The following GSDMC variants were observed in gnomAD, a reference collection of about 807,000 sequenced individuals.
The protein encoded by GSDMC is gasdermin C, also known as gasdermin-C.
In GSDMC, 59 loss-of-function variants were observed where a neutral mutation model predicts 58.0. The observed-to-expected ratio is 1.02, with a 90% confidence interval of 0.82 to 1.26. GSDMC has a LOEUF of 1.26. Ranked by LOEUF, GSDMC falls within the 50% of genes most tolerant of loss-of-function variation. The pLI is 0.00. For synonymous variants in GSDMC, 241 were observed against 220.2 expected (o/e 1.09, Z -0.83); for missense variants, 659 against 598.5 (o/e 1.10, Z -1.06).
At chr8:129,732,454 T>A in the GSDMC span, among the ~76,000 whole-genome samples, 1 of 151,968 alleles carries the variant, frequency 6.6e-6, no homozygotes, top group African/African-American at 2.4e-5. Context: ...CTACCCACAC[T>A]AAAATAATTA....
intron 6 of GSDMC, among the ~76,000 whole-genome samples, chr8:129,756,475 T>TCAACACC (rs2033440413): frequency 6.6e-6 from 1 of 152,086 alleles, no homozygotes; most frequent in Non-Finnish European, 1.5e-5. Flanking sequence ...AACACCCTAC[T>TCAACACC]TTCAGCACTG....
the GSDMC span, chr8:129,729,783 T>A: frequency 8.2e-6 from 5 of 609,664 alleles, no homozygotes; most frequent in African/African-American, 1.9e-5. Flanking sequence ...GTGAGGCACA[T>A]GAAATTTGAA....
the GSDMC span, among the ~76,000 whole-genome samples, chr8:129,736,498 A>G: frequency 6.6e-6 from 1 of 152,246 alleles, no homozygotes; most frequent in Admixed American, 6.5e-5. Flanking sequence ...GCAAATCAAT[A>G]AACGTAATCC....
the GSDMC span, among the ~76,000 whole-genome samples, chr8:129,710,619 A>G: frequency 6.6e-6 from 1 of 152,320 alleles, no homozygotes; most frequent in South Asian, 2.1e-4. Flanking sequence ...CTTTGTTCTT[A>G]TCTTGAGAAG....
intron 2 of GSDMC, 33 bp from the exon 3 acceptor site, chr8:129,776,318 C>A: frequency 6.6e-7 from 1 of 1,515,250 alleles, no homozygotes; most frequent in South Asian, 1.2e-5. Flanking sequence ...TAGGTTTAGC[C>A]AAGAATTCAT....
At chr8:129,711,210 T>C in the GSDMC span, among the ~76,000 whole-genome samples, 1 of 152,228 alleles carries the variant, frequency 6.6e-6, no homozygotes, top group Non-Finnish European at 1.5e-5. Flanking sequence ...GATCTTTACA[T>C]GCGTGTACAA....
rs753311967 is a variant in GSDMC at position 129,750,456 on chromosome 8, CCT to C, written c.1056_1057del (p.Ala354SerfsTer37). 6.2e-7 allele frequency: 1 copy of C among 1,614,000 alleles called. No individual in the cohort carries two copies. Among genetic ancestry groups the C allele is most frequent in the Non-Finnish European group, 8.5e-7 (1 of 1,179,922 alleles). ...CATGTTCATCAGGTCCTGTAGAGCCCCTCTGTCTCTGAGCATGGCCAGGATAC... is the reference window on the plus strand; with the variant it reads ...CATGTTCATCAGGTCCTGTAGAGCCCCTGTCTCTGAGCATGGCCAGGATAC... On this transcript the variant is annotated frameshift_variant, in exon 11 of 14. Transcript: ENST00000276708. LOFTEE classifies it high-confidence loss of function.
At chr8:129,756,358 A>C (rs1343510974) in intron 6 of GSDMC, among the ~76,000 whole-genome samples, 1 of 152,118 alleles carries the variant, frequency 6.6e-6, no homozygotes, top group Non-Finnish European at 1.5e-5. Context: ...CAGATATATA[A>C]AGCAAATATT....
At chr8:129,735,889 C>A in the GSDMC span, among the ~76,000 whole-genome samples, 1 of 152,030 alleles carries the variant, frequency 6.6e-6, no homozygotes, top group Non-Finnish European at 1.5e-5. Flanking sequence ...AAAAGGTCAA[C>A]AAAACTGATA....
the GSDMC span, among the ~76,000 whole-genome samples, chr8:129,732,342 C>T: frequency 6.7e-6 from 1 of 148,892 alleles, no homozygotes; most frequent in South Asian, 2.1e-4. Flanking sequence ...GAAGGAAAGC[C>T]AAAAGACCCT....
At chr8:129,707,291 A>G in the GSDMC span, 1 of 152,212 alleles carries the variant, frequency 6.6e-6, no homozygotes, top group African/African-American at 2.4e-5. Context: ...ATGGCTGCAC[A>G]ATCTGCAGGG....
At chr8:129,740,044 G>C in the GSDMC span, among the ~76,000 whole-genome samples, 5 of 151,874 alleles carry the variant, frequency 3.3e-5, no homozygotes, top group African/African-American at 1.2e-4. Context: ...TTAACAAAAA[G>C]TTTACAAACT....
At chr8:129,724,931 G>A in the GSDMC span, among the ~76,000 whole-genome samples, 2 of 152,092 alleles carry the variant, frequency 1.3e-5, no homozygotes, top group African/African-American at 4.8e-5. Context: ...TGGCACAGAG[G>A]GACTAAGATC....
the GSDMC span, among the ~76,000 whole-genome samples, chr8:129,732,888 G>A: frequency 2.9e-4 from 44 of 152,292 alleles, no homozygotes; most frequent in African/African-American, 9.6e-4. Flanking sequence ...AAGGGGTCAC[G>A]GGATTTCCCT....
At chr8:129,734,989 A>T in the GSDMC span, among the ~76,000 whole-genome samples, 1 of 152,222 alleles carries the variant, frequency 6.6e-6, no homozygotes, top group Non-Finnish European at 1.5e-5. Context: ...AAGCAAAAAA[A>T]AGCAGGGGTT....
Position 129,752,571 on chromosome 8 carries a change from T to C in GSDMC, c.844+127A>G. The C allele has an allele frequency of 2.2e-6, 3 of 1,376,886 alleles. No individual in the cohort carries two copies. The South Asian group carries it at 4.2e-5, about 19-fold the overall frequency. 85.3% of individuals were successfully genotyped at this position (1,376,886 alleles called of 1,614,324 possible). A position where few individuals can be genotyped will look rare whatever the true frequency, so the allele number is the denominator to read the frequency against. ...GCAAAAAAACACTGCCAGAGGAGGA[T>C]GAGCAAGATGGTGCAATAGAAGCCT... On this transcript the variant is annotated intron_variant, in intron 7 of 13. Coordinates refer to ENST00000276708, the MANE Select transcript of GSDMC (RefSeq NM_031415.3).
chr8:129,750,399 T>C (rs747784054), intron 11 of GSDMC, 32 bp downstream of exon 11: 1 of 1,602,792 alleles, frequency 6.2e-7, no homozygotes, highest in Non-Finnish European at 8.5e-7. Flanking sequence ...TTACAGCTTT[T>C]ACCAGACCTA....
intron 4 of GSDMC, among the ~76,000 whole-genome samples, chr8:129,763,296 C>G (rs983502916): frequency 1.3e-5 from 2 of 152,170 alleles, no homozygotes; most frequent in Non-Finnish European, 2.9e-5. Context: ...GGCTGGAATT[C>G]TCTGGAATAT....
chr8:129,730,172 G>C, the GSDMC span: 1 of 1,125,342 alleles, frequency 8.9e-7, no homozygotes, highest in Non-Finnish European at 1.2e-6. Context: ...CTATGAAAAA[G>C]TTATGTGTAA....
Sources: allele counts gnomAD v4.1 joint callset (sites outside exome capture counted in the v4.1 genomes callset), GRCh38; gene constraint gnomAD v4.1.1; transcripts MANE v1.5; gene names NCBI Gene and HGNC (gene_info 2026-07-23, HGNC 2026-07-21).